Variants in MMD observed in about 807,000 individuals in gnomAD.
The protein encoded by MMD is monocyte to macrophage differentiation factor.
In MMD, 22 loss-of-function variants were observed where a neutral mutation model predicts 33.6. That is an observed-to-expected ratio of 0.66 (90% CI 0.47 to 0.94). The LOEUF (loss-of-function observed/expected upper bound fraction) is 0.94, where lower values mean the gene tolerates loss of function less well. Among genes scored for constraint, MMD ranks in the 40% least tolerant of loss-of-function variants. The probability of loss-of-function intolerance (pLI) is 0.00; values close to 1 mark genes in which losing one functional copy is unlikely to be tolerated. For synonymous variants in MMD, 97 were observed against 103.2 expected (o/e 0.94, Z 0.36); for missense variants, 242 against 309.8 (o/e 0.78, Z 1.64).
chr17:55,394,577 C>T, intron 6 of MMD, 43 bp from the exon 7 acceptor site: 1 of 1,359,406 alleles, frequency 7.4e-7, no homozygotes, highest in Non-Finnish European at 9.6e-7. Flanking sequence ...TGATGTTACT[C>T]TGCATGGCAA....
chr17:55,403,452 CG>C, intron 5 of MMD, among the ~76,000 whole-genome samples: 1 of 152,256 alleles, frequency 6.6e-6, no homozygotes, highest in East Asian at 1.9e-4. Flanking sequence ...GGTTTTCTCA[CG>C]TGATGACTGA....
At chr17:55,404,620 T>C (rs1399955221) in intron 4 of MMD, 5 of 985,256 alleles carry the variant, frequency 5.1e-6, no homozygotes, top group Non-Finnish European at 6.0e-6. Context: ...TGTGTCTCCA[T>C]TATCAGTCTC....
intron 6 of MMD, among the ~76,000 whole-genome samples, chr17:55,399,451 C>T (rs1907244537): frequency 2.0e-5 from 3 of 152,154 alleles, no homozygotes; most frequent in South Asian, 2.1e-4. Context: ...TACCTGCATA[C>T]CTGCCCCCAC....
At chr17:55,414,472 C>T (rs192455242) in intron 1 of MMD, among the ~76,000 whole-genome samples, 1 of 149,748 alleles carries the variant, frequency 6.7e-6, no homozygotes, top group African/African-American at 2.5e-5. Context: ...AAAGAAAAAC[C>T]TTCCATAACC....
At chr17:55,394,949 G>C (rs139162562) in intron 6 of MMD, among the ~76,000 whole-genome samples, 82 of 152,330 alleles carry the variant, frequency 5.4e-4, no homozygotes, top group African/African-American at 1.8e-3. Flanking sequence ...ATCTCAGGCA[G>C]GGTATTTACT....
chr17:55,416,609 A>C (rs569263912), intron 1 of MMD, among the ~76,000 whole-genome samples: 2 of 152,282 alleles, frequency 1.3e-5, no homozygotes, highest in African/African-American at 4.8e-5. Context: ...CCAGGGTGCA[A>C]TCAAGCCTCC....
At chr17:55,403,638 A>C (rs1272155143) in intron 5 of MMD, 129 bp downstream of exon 5, 4 of 593,804 alleles carry the variant, frequency 6.7e-6, no homozygotes, top group Non-Finnish European at 1.1e-5. Flanking sequence ...AAGATTTATT[A>C]AAAATAACAT....
At position 55,394,112 on chromosome 17, in the gene MMD, T is replaced by G. The variant is rs998487851; in HGVS notation, c.*222A>C. On this transcript the variant is annotated 3_prime_UTR_variant, in exon 7 of 7. Transcript: ENST00000262065. The stretch of plus-strand genomic sequence containing the variant: ...GGCCAAGTCTATTCAGAGTCCTTCA[T>G]GATAGTGGAATGGAATGAATAATTA... 11 of 357,920 alleles carry G rather than the reference T, an allele frequency of 3.1e-5. 1 individual carries two copies. The highest frequency in any genetic ancestry group is 4.7e-5 in the Admixed American group (1 of 21,500). The allele number at this position is 357,920 out of a possible 1,614,324, so 22.2% of individuals were successfully genotyped here. A position where few individuals can be genotyped will look rare whatever the true frequency, so the allele number is the denominator to read the frequency against.
chr17:55,416,721 A>T (rs771180885), intron 1 of MMD, among the ~76,000 whole-genome samples: 16 of 152,204 alleles, frequency 1.1e-4, no homozygotes, highest in Non-Finnish European at 2.1e-4. Context: ...TTCCCCGAAA[A>T]AAGAATGGGA....
At chr17:55,405,583 T>G (rs1907513148) in intron 4 of MMD, among the ~76,000 whole-genome samples, 1 of 152,136 alleles carries the variant, frequency 6.6e-6, no homozygotes, top group Admixed American at 6.6e-5. Context: ...ATTAAAGAAT[T>G]TAAAATAACT....
chr17:55,407,499 T>C (rs905855039), intron 4 of MMD, among the ~76,000 whole-genome samples: 1 of 152,156 alleles, frequency 6.6e-6, no homozygotes, highest in African/African-American at 2.4e-5. Flanking sequence ...CACAAGTTCA[T>C]AGCACTTCTT....
chr17:55,396,627 T>G (rs764093668), intron 6 of MMD, among the ~76,000 whole-genome samples: 8 of 152,166 alleles, frequency 5.3e-5, no homozygotes, highest in African/African-American at 1.2e-4. Flanking sequence ...TTATTCTTTT[T>G]TTTTTCTGAG....
chr17:55,419,312 T>C (rs1908086529), intron 1 of MMD, among the ~76,000 whole-genome samples: 1 of 152,232 alleles, frequency 6.6e-6, no homozygotes, highest in South Asian at 2.1e-4. Flanking sequence ...TGTGTTTGTC[T>C]ATGTGTGTGT....
chr17:55,413,138 A>G (rs1050423478), intron 2 of MMD, among the ~76,000 whole-genome samples: 6 of 152,230 alleles, frequency 3.9e-5, no homozygotes, highest in African/African-American at 1.2e-4. Flanking sequence ...ATTCAGGTTC[A>G]TCCGAGTAAA....
At chr17:55,419,449 G>A (rs1014971599) in intron 1 of MMD, among the ~76,000 whole-genome samples, 7 of 152,170 alleles carry the variant, frequency 4.6e-5, no homozygotes, top group African/African-American at 1.7e-4. Context: ...CCCTCCTCAT[G>A]CTCCTCCATC....
At chr17:55,418,644 A>C (rs1035656843) in intron 1 of MMD, among the ~76,000 whole-genome samples, 3 of 152,258 alleles carry the variant, frequency 2.0e-5, no homozygotes, top group African/African-American at 7.2e-5. Context: ...TTTGTTCAGG[A>C]AAAGTGTCTA....
chr17:55,404,911 A>G, intron 4 of MMD: 1 of 225,496 alleles, frequency 4.4e-6, no homozygotes, highest in Non-Finnish European at 7.4e-6. Context: ...AAAATACAAA[A>G]GTTAGCTGGG....
chr17:55,415,486 A>G (rs936205971), intron 1 of MMD, among the ~76,000 whole-genome samples: 1 of 152,234 alleles, frequency 6.6e-6, no homozygotes, highest in East Asian at 1.9e-4. Flanking sequence ...ACACAAAATA[A>G]AAAATGGTAC....
At chr17:55,399,212 A>G (rs895938590) in intron 6 of MMD, among the ~76,000 whole-genome samples, 1 of 151,896 alleles carries the variant, frequency 6.6e-6, no homozygotes. Flanking sequence ...TCTTCCTTCA[A>G]GGATCACAGT....
Sources: allele counts gnomAD v4.1 joint callset (sites outside exome capture counted in the v4.1 genomes callset), GRCh38; gene constraint gnomAD v4.1.1; transcripts MANE v1.5; gene names NCBI Gene and HGNC (gene_info 2026-07-23, HGNC 2026-07-21).